MYO15A: variants seen among roughly 807,000 people sequenced by gnomAD.
The protein encoded by MYO15A is unconventional myosin-XV.
A neutral mutation model predicts 394.6 loss-of-function variants in MYO15A; 308 were observed. That is an observed-to-expected ratio of 0.78 (90% CI 0.71 to 0.86). MYO15A has a LOEUF of 0.86. Among genes scored for constraint, MYO15A ranks in the 40% least tolerant of loss-of-function variants. The probability of loss-of-function intolerance (pLI) is 0.00; values close to 1 mark genes in which losing one functional copy is unlikely to be tolerated. For synonymous variants in MYO15A, 1,957 were observed against 2,003.8 expected (o/e 0.98, Z 0.62); for missense variants, 4,606 against 4,799.1 (o/e 0.96, Z 1.19).
chr17:18,161,690 G>A (rs151198005), intron 57 of MYO15A, among the ~76,000 whole-genome samples: 27 of 152,324 alleles, frequency 1.8e-4, no homozygotes, highest in Admixed American at 3.9e-4. Context: ...GCCCTGGGTA[G>A]GAGGGATTTC....
Position 18,150,690 on chromosome 17 carries a change from CCCCTCAGT to C in MYO15A, c.7328-4_7331del. Reference sequence around the variant, plus strand: ...GTGCCATCTGTGCCTTCTGCCCCCTCCCCTCAGTCCCAGGCCTGGATGCCTCCACATTG... The same window carrying C: ...GTGCCATCTGTGCCTTCTGCCCCCTCCCCAGGCCTGGATGCCTCCACATTG... On this transcript the variant is annotated splice_acceptor_variant and splice_polypyrimidine_tract_variant and coding_sequence_variant and intron_variant, in exon 37 of 66. Transcript: ENST00000647165. LOFTEE classifies it high-confidence loss of function. This position sits in a 1 kb window ranked among gnomAD's most constrained non-coding sequence, Gnocchi z 4.4. The C allele has an allele frequency of 6.3e-7, 1 of 1,589,452 alleles. No individual in the cohort carries two copies. Among genetic ancestry groups the C allele is most frequent in the Non-Finnish European group, 8.6e-7 (1 of 1,166,560 alleles).
rs199537186 is a variant in MYO15A, at chr17:18,121,996, G to A, written c.3196G>A (p.Ala1066Thr). ...AAGGCCCAGCCTCTCATACCCACTG[G>A]CTGCGTGTGACCAGACCAGGGCCAC... The part of the protein sequence containing the change: ...TLRPSLSYPL[A>T]ACDQTRATWP... The change falls in exon 2 of 66, where the codon GCT (alanine) becomes ACT (threonine). Residue 1066 changes from alanine to threonine, a missense_variant. Transcript: ENST00000647165. The surrounding 1 kb of genome is among the most constrained non-coding windows in gnomAD (Gnocchi z 5.3). 1 of 1,613,112 alleles carries A rather than the reference G, an allele frequency of 6.2e-7. No homozygotes were observed. Among genetic ancestry groups the A allele is most frequent in the African/African-American group, 1.3e-5 (1 of 74,874 alleles).
Position 18,119,174 on chromosome 17 carries a change from G to A in MYO15A, c.374G>A (p.Arg125Gln), listed in dbSNP as rs775739005. The part of the protein sequence containing the change: ...RGYGRLRPRA[R>Q]SLSKASTAIN... ...TACGGCCGCCTGCGGCCGCGCGCCC[G>A]GTCACTCAGCAAAGCGTCCACGGCC... The change falls in exon 2 of 66, where the codon CGG becomes CAG. Residue 125 changes from arginine to glutamine, a missense_variant. This residue lies in a region of MYO15A where 1,830 missense variants were observed against 1,689.7 expected (regional missense o/e 1.08). Transcript: ENST00000647165. 54 of 1,612,274 alleles carry A rather than the reference G, an allele frequency of 3.3e-5. No individual in the cohort carries two copies. The highest frequency in any genetic ancestry group is 1.6e-4 in the Middle Eastern group (1 of 6,078).
At position 18,148,013 on chromosome 17, in the gene MYO15A, A is replaced by C. The variant is rs758349704; in HGVS notation, c.6510-16A>C. On this transcript the variant is annotated splice_polypyrimidine_tract_variant and intron_variant, in intron 30 of 65. Transcript: ENST00000647165. The surrounding 1 kb of genome is among the most constrained non-coding windows in gnomAD (Gnocchi z 4.8). ...TCAGATCCTTCTTGATCCTGGCTCC[A>C]ACTCCTACCCATCAGGTTTGTGTCT... is the stretch of plus-strand genomic sequence containing the variant. The C allele has an allele frequency of 9.9e-6, 16 of 1,614,002 alleles. No homozygotes were observed. The highest frequency in any genetic ancestry group is 1.4e-5 in the Non-Finnish European group (16 of 1,180,006).
At chr17:18,159,252 G>C (rs1289459884) in intron 53 of MYO15A, 23 bp from the exon 54 acceptor site, 1 of 1,613,674 alleles carries the variant, frequency 6.2e-7, no homozygotes, top group Non-Finnish European at 8.5e-7. Context: ...CCTCCATCAT[G>C]ACACAGCCCT....
chr17:18,144,596 T>C lies in MYO15A; in HGVS notation c.6273+4T>C. The C allele has an allele frequency of 2.5e-6, 4 of 1,611,264 alleles. No individual in the cohort carries two copies. The highest frequency in any genetic ancestry group is 3.4e-6 in the Non-Finnish European group (4 of 1,179,928). On this transcript the variant is annotated splice_donor_region_variant and intron_variant, in intron 29 of 65. Transcript: ENST00000647165. ...AGCCGTGAGCATCTTCAAGCTGGTA[T>C]GGGGTCTGCCCCAGCCCACCTTCTA... is the stretch of plus-strand genomic sequence containing the variant.
Position 18,157,905 on chromosome 17 carries a change from G to T in MYO15A, c.8967+5G>T. 1 of 746,260 alleles carries T rather than the reference G, an allele frequency of 1.3e-6. No homozygotes were observed. The highest frequency in any genetic ancestry group is 1.7e-5 in the South Asian group (1 of 60,052). The allele number at this position is 746,260 out of a possible 1,614,324, so 46.2% of individuals were successfully genotyped here. ...GAGGTGGGCCGCAGGAGAGAGGTGA[G>T]ACCAGTGTGGGTGGGGTGGGGCGGG... On this transcript the variant is annotated splice_donor_5th_base_variant and intron_variant, in intron 51 of 65. Coordinates refer to ENST00000647165, the MANE Select transcript of MYO15A (RefSeq NM_016239.4).
chr17:18,165,005 G>T (rs948402178), intron 60 of MYO15A: 18 of 150,830 alleles, frequency 1.2e-4, no homozygotes, highest in African/African-American at 4.4e-4. Flanking sequence ...CAGGCATGGT[G>T]ACGTTTGCCT....
rs751648930 is a variant in MYO15A, at chr17:18,120,020, C to T, written c.1220C>T (p.Ser407Leu). 7 of 1,613,652 alleles carry T rather than the reference C, an allele frequency of 4.3e-6. No homozygotes were observed. Among genetic ancestry groups the T allele is most frequent in the South Asian group, 2.2e-5 (2 of 91,088 alleles). Reference protein sequence around the residue: ...VPYFYPEESASAFVYPWVPPP... With the variant: ...VPYFYPEESALAFVYPWVPPP... ...TATTTTTACCCGGAGGAGTCGGCTTCGGCCTTTGTGTACCCCTGGGTACCA... is the reference window on the plus strand; with the variant it reads ...TATTTTTACCCGGAGGAGTCGGCTTTGGCCTTTGTGTACCCCTGGGTACCA... The change falls in exon 2 of 66, where the codon TCG becomes TTG. Residue 407 changes from serine to leucine, a missense_variant. Coordinates refer to ENST00000647165, the MANE Select transcript of MYO15A (RefSeq NM_016239.4).
intron 56 of MYO15A, among the ~76,000 whole-genome samples, 161 bp downstream of exon 56, chr17:18,160,178 T>C (rs2046755514): frequency 6.6e-6 from 1 of 152,246 alleles, no homozygotes; most frequent in Admixed American, 6.5e-5. Flanking sequence ...TTACTTGGTC[T>C]GGAACACACC....
intron 17 of MYO15A, 44 bp downstream of exon 17, chr17:18,138,290 C>T: frequency 5.0e-6 from 8 of 1,601,610 alleles, no homozygotes; most frequent in Non-Finnish European, 6.8e-6. Flanking sequence ...TCACAGATCT[C>T]TCAGCCTCAT....
At chr17:18,144,693 A>C in intron 29 of MYO15A, 101 bp downstream of exon 29, 11 of 1,079,764 alleles carry the variant, frequency 1.0e-5, no homozygotes, top group East Asian at 2.4e-5. Flanking sequence ...AGCCCAACCC[A>C]TGAGCCCCAC....
chr17:18,119,681 A>G lies in MYO15A; in HGVS notation c.881A>G (p.Tyr294Cys), dbSNP rs767439986. Residue 294 changes from tyrosine to cysteine, a missense_variant, in exon 2 of 66, where the codon TAT (tyrosine) becomes TGT (cysteine). Around this residue, in one of 2 missense-constraint regions of MYO15A, gnomAD observed 1,830 missense variants for 1,689.7 expected, o/e 1.08. Coordinates refer to ENST00000647165, the MANE Select transcript of MYO15A (RefSeq NM_016239.4). ...EDPYDYYHPD[Y>C]YGGPFDPGYT... ...CCCTACGACTACTACCACCCCGACT[A>G]TTACGGTGGCCCCTTTGATCCGGGG... is the stretch of plus-strand genomic sequence containing the variant. 5.0e-6 allele frequency: 8 copies of G among 1,607,874 alleles called. No homozygotes were observed. In the Admixed American group the frequency reaches 1.3e-4, roughly 27 times the overall value.
At position 18,120,607 on chromosome 17, in the gene MYO15A, A is replaced by G. The variant is rs2045900611; in HGVS notation, c.1807A>G (p.Arg603Gly). 6.3e-7 allele frequency: 1 copy of G among 1,597,936 alleles called. No individual in the cohort carries two copies. Among genetic ancestry groups the G allele is most frequent in the Non-Finnish European group, 8.5e-7 (1 of 1,174,502 alleles). The change falls in exon 2 of 66, where the codon AGG becomes GGG. Residue 603 changes from arginine (R) to glycine (G), a missense_variant. By Grantham distance (125) the Arg-to-Gly change is moderately radical (BLOSUM62 -2). Coordinates refer to ENST00000647165, the MANE Select transcript of MYO15A (RefSeq NM_016239.4). The stretch of plus-strand genomic sequence containing the variant: ...GGCCCGGGCGGGCGGCCCTGCTGTC[A>G]GGGAGGCGGCCTACAAACGCTTCGG... ...QKARAGGPAVREAAYKRFGYK... is the reference protein window; with the variant it reads ...QKARAGGPAVGEAAYKRFGYK...
At chr17:18,113,343 C>A (rs780787631) in intron 1 of MYO15A, among the ~76,000 whole-genome samples, 1 of 152,122 alleles carries the variant, frequency 6.6e-6, no homozygotes, top group Admixed American at 6.5e-5. Flanking sequence ...GACAGGGTCT[C>A]GTTATATTGC....
intron 65 of MYO15A, among the ~76,000 whole-genome samples, chr17:18,174,792 C>T (rs981449960): frequency 6.6e-6 from 1 of 152,204 alleles, no homozygotes; most frequent in African/African-American, 2.4e-5. Flanking sequence ...AACATCCCCC[C>T]TCCAGGTCTG....
At chr17:18,169,702 C>T (rs1369600489) in intron 62 of MYO15A, 2 of 151,898 alleles carry the variant, frequency 1.3e-5, no homozygotes, top group African/African-American at 2.4e-5. Flanking sequence ...AATATATTTA[C>T]CCTGTTAAAA....
chr17:18,157,254 C>T (rs1443957021), intron 50 of MYO15A, 24 bp downstream of exon 50: 1 of 1,585,120 alleles, frequency 6.3e-7, no homozygotes, highest in South Asian at 1.1e-5. Context: ...AACCTGGAAC[C>T]CCATACGGGG....
intron 62 of MYO15A, among the ~76,000 whole-genome samples, chr17:18,171,074 A>ATTGGTATTTTCCAGATGTCCAAAGAG (rs2046933815): frequency 6.6e-6 from 1 of 152,124 alleles, no homozygotes; most frequent in African/African-American, 2.4e-5. Flanking sequence ...TGGTACTGCT[A>ATTGGTATTTTCCAGATGTCCAAAGAG]TTGGTATTTT....
Sources: allele counts gnomAD v4.1 joint callset (sites outside exome capture counted in the v4.1 genomes callset), GRCh38; gene constraint gnomAD v4.1.1; regional missense constraint gnomAD v4.1.1; non-coding constraint Gnocchi (gnomAD v3.1); transcripts MANE v1.5; gene names NCBI Gene and HGNC (gene_info 2026-07-23, HGNC 2026-07-21).